Variants in PAX7 observed in about 807,000 individuals in gnomAD.
PAX7 encodes paired box 7.
PAX7 carries 18 observed loss-of-function variants against 50.7 expected under a neutral mutation model. That is an observed-to-expected ratio of 0.36 (90% confidence interval 0.25 to 0.53). The LOEUF is 0.53. PAX7 is among the 20% of genes least tolerant of loss of function. The pLI is 0.93. For synonymous variants in PAX7, 310 were observed against 290.4 expected, an observed-to-expected ratio of 1.07 and a Z score of -0.69; for missense variants, 644 against 702.9, an observed-to-expected ratio of 0.92 and a Z score of 0.95.
chr1:18,659,329 C>T (rs1465631537), intron 4 of PAX7, among the ~76,000 whole-genome samples: 1 of 152,196 alleles, frequency 6.6e-6, no homozygotes, highest in Non-Finnish European at 1.5e-5. Context: ...GACACCTGAG[C>T]AGGAAAGGGG....
At chr1:18,664,297 G>A (rs1053636996) in intron 4 of PAX7, among the ~76,000 whole-genome samples, 7 of 152,252 alleles carry the variant, frequency 4.6e-5, no homozygotes, top group Non-Finnish European at 7.3e-5. Flanking sequence ...GTGCCTCTGA[G>A]GCGGTAGTGA....
At chr1:18,734,180 A>G (rs2089682129) in intron 7 of PAX7, among the ~76,000 whole-genome samples, 1 of 152,198 alleles carries the variant, frequency 6.6e-6, no homozygotes. Context: ...GAATGCCCGC[A>G]GCCTGCTTTC....
chr1:18,647,243 G>A (rs1385493206), intron 4 of PAX7, among the ~76,000 whole-genome samples: 1 of 152,198 alleles, frequency 6.6e-6, no homozygotes. Context: ...ACTGCCGCCT[G>A]GGCTGGGTTG....
intron 4 of PAX7, among the ~76,000 whole-genome samples, chr1:18,651,518 A>T (rs1293055162): frequency 6.6e-6 from 1 of 152,192 alleles, no homozygotes; most frequent in African/African-American, 2.4e-5. Flanking sequence ...CTCTCTATCT[A>T]GATCTACCTA....
chr1:18,672,596 G>GGTT (rs1248133186), intron 4 of PAX7, among the ~76,000 whole-genome samples: 1 of 125,820 alleles, frequency 7.9e-6, no homozygotes, highest in African/African-American at 3.1e-5. Flanking sequence ...AGAGCACTGT[G>GGTT]TTTTTTTTTT....
intron 8 of PAX7, among the ~76,000 whole-genome samples, chr1:18,742,150 T>A (rs201844265): frequency 0.022 from 448 of 20,636 alleles, 14 homozygotes; most frequent in South Asian, 0.17. Flanking sequence ...TGAGGCTTCT[T>A]TTTTTTTTTT....
At chr1:18,653,274 T>A (rs1489317628) in intron 4 of PAX7, among the ~76,000 whole-genome samples, 3 of 152,058 alleles carry the variant, frequency 2.0e-5, no homozygotes, top group Non-Finnish European at 2.9e-5. Flanking sequence ...AATTGAGGAA[T>A]CACAGTCAGC....
At chr1:18,698,826 G>A (rs1320785894) in intron 5 of PAX7, among the ~76,000 whole-genome samples, 5 of 152,118 alleles carry the variant, frequency 3.3e-5, no homozygotes, top group African/African-American at 1.2e-4. Context: ...GGTGAAAGCC[G>A]GCAGCTCTTG....
At chr1:18,710,808 C>T (rs1191962995) in intron 7 of PAX7, among the ~76,000 whole-genome samples, 1 of 152,144 alleles carries the variant, frequency 6.6e-6, no homozygotes, top group African/African-American at 2.4e-5. Context: ...TTGGGGACAT[C>T]CTGGCATTAC....
chr1:18,693,806 G>T (rs569806925), intron 5 of PAX7, among the ~76,000 whole-genome samples: 2 of 152,304 alleles, frequency 1.3e-5, no homozygotes, highest in Admixed American at 6.5e-5. Context: ...TGGCGGCCAC[G>T]GCGGCTTCCC....
intron 6 of PAX7, among the ~76,000 whole-genome samples, chr1:18,701,424 ATGAGTGTG>A (rs2089220492): frequency 6.7e-6 from 1 of 150,352 alleles, no homozygotes; most frequent in African/African-American, 2.5e-5. Context: ...GAGTGAGTGA[ATGAGTGTG>A]TGAGTGTGTG....
At chr1:18,734,240 T>C (rs953065106) in intron 7 of PAX7, among the ~76,000 whole-genome samples, 2 of 152,134 alleles carry the variant, frequency 1.3e-5, no homozygotes, top group Admixed American at 6.5e-5. Context: ...CAGCAGGGAT[T>C]GCCACGTGGT....
In PAX7 at chr1:18,670,349, G is replaced by A. The variant is rs181704156; in HGVS notation, c.587-21405G>A. 2.0e-5 allele frequency among the ~76,000 whole-genome samples: 3 copies of A among 152,272 alleles called. 1 individual carries two copies. Among genetic ancestry groups the A allele is most frequent in the Admixed American group, 2.0e-4 (3 of 15,296 alleles). On this transcript the variant is annotated intron_variant, in intron 4 of 8. Transcript: ENST00000420770. The stretch of plus-strand genomic sequence containing the variant: ...CCTGTTTCCAACCCCCATCATGAGA[G>A]CAGAAACTAAGGAGTGGAGCATTGC...
chr1:18,706,398 C>G (rs1473870062), intron 7 of PAX7, among the ~76,000 whole-genome samples: 1 of 152,076 alleles, frequency 6.6e-6, no homozygotes, highest in African/African-American at 2.4e-5. Context: ...GACACATTGC[C>G]CAGATAGATG....
intron 8 of PAX7, among the ~76,000 whole-genome samples, chr1:18,744,497 T>C (rs1019167770): frequency 1.9e-4 from 4 of 21,234 alleles, no homozygotes; most frequent in Non-Finnish European, 3.4e-4. Context: ...GATGGATGGA[T>C]GGACAGAGAA....
chr1:18,748,100 C>G lies in PAX7; in HGVS notation c.*3171C>G, dbSNP rs1355394518. 1.4e-5 allele frequency: 3 copies of G among 215,340 alleles called. No individual in the cohort carries two copies. Among genetic ancestry groups the G allele is most frequent in the African/African-American group, 6.8e-5 (3 of 44,360 alleles). The allele number at this position is 215,340 out of a possible 1,614,324, so 13.3% of individuals were successfully genotyped here. A position where few individuals can be genotyped will look rare whatever the true frequency, so the allele number is the denominator to read the frequency against. On this transcript the variant is annotated 3_prime_UTR_variant, in exon 9 of 9. Transcript: ENST00000420770. ...GAGGAACATCAAAGGGCAGAGCAAA[C>G]AGAGAACTAGGGGGATAAGAGAGAA...
chr1:18,714,696 C>T (rs950836786), intron 7 of PAX7, among the ~76,000 whole-genome samples: 1 of 152,220 alleles, frequency 6.6e-6, no homozygotes, highest in Non-Finnish European at 1.5e-5. Context: ...ATCAGTGATT[C>T]TGTGGGTTAC....
intron 4 of PAX7, among the ~76,000 whole-genome samples, chr1:18,638,915 G>A (rs941813702): frequency 1.3e-5 from 2 of 152,304 alleles, no homozygotes; most frequent in East Asian, 1.9e-4. Flanking sequence ...AGTAATCCAG[G>A]TAGGGAGAGG....
chr1:18,679,744 C>G (rs1361221671), intron 4 of PAX7, among the ~76,000 whole-genome samples: 1 of 152,188 alleles, frequency 6.6e-6, no homozygotes, highest in Admixed American at 6.5e-5. Flanking sequence ...TCTGCAAAGC[C>G]TCCACCGTGG....
Sources: allele counts gnomAD v4.1 joint callset (sites outside exome capture counted in the v4.1 genomes callset), GRCh38; gene constraint gnomAD v4.1.1; transcripts MANE v1.5; gene names NCBI Gene and HGNC (gene_info 2026-07-23, HGNC 2026-07-21).